Variants in DGKI observed in about 807,000 individuals in gnomAD.
DGKI encodes the protein DAG kinase iota.
A neutral mutation model predicts 147.5 loss-of-function variants in DGKI; 55 were observed. That is an observed-to-expected ratio of 0.37 (90% CI 0.30 to 0.47). The LOEUF (loss-of-function observed/expected upper bound fraction) is 0.47. Among genes scored for constraint, DGKI ranks in the 20% least tolerant of loss-of-function variants. The pLI is 1.00. For missense variants in DGKI, 1,007 were observed against 1,323.8 expected, an observed-to-expected ratio of 0.76 and a Z score of 3.71; for synonymous variants, 469 against 477.1, an observed-to-expected ratio of 0.98 and a Z score of 0.22.
intron 1 of DGKI, among the ~76,000 whole-genome samples, chr7:137,709,862 C>G (rs1205403078): frequency 6.6e-6 from 1 of 150,762 alleles, no homozygotes; most frequent in East Asian, 1.9e-4. Flanking sequence ...AAGAAGAGAC[C>G]ATAAACAAAT....
intron 1 of DGKI, among the ~76,000 whole-genome samples, chr7:137,734,912 C>T (rs1794980206): frequency 6.6e-6 from 1 of 152,064 alleles, no homozygotes; most frequent in Admixed American, 6.6e-5. Flanking sequence ...TCAACTACTC[C>T]CTCTCCTTTA....
intron 21 of DGKI, among the ~76,000 whole-genome samples, chr7:137,502,342 A>G (rs1284440288): frequency 3.3e-5 from 5 of 152,012 alleles, no homozygotes; most frequent in African/African-American, 1.2e-4. Context: ...AGTATGATCA[A>G]ATCCATGTGA....
rs1252405569 is a variant in DGKI, at chr7:137,609,621, G to A, written c.994-12C>T. 1.2e-6 allele frequency: 2 copies of A among 1,608,148 alleles called. No individual in the cohort carries two copies. Reference sequence around the variant, plus strand: ...GCCTTCAGGGAGTTCTGTAGGGAGAGAGAGAAATGCCTGAGCTCAGAGGCA... The same window carrying A: ...GCCTTCAGGGAGTTCTGTAGGGAGAAAGAGAAATGCCTGAGCTCAGAGGCA... On this transcript the variant is annotated splice_polypyrimidine_tract_variant and intron_variant, in intron 8 of 32. Coordinates refer to ENST00000614521, the MANE Select transcript of DGKI (RefSeq NM_001321708.2).
intron 1 of DGKI, among the ~76,000 whole-genome samples, chr7:137,720,411 T>C (rs1338857539): frequency 6.6e-6 from 1 of 151,918 alleles, no homozygotes; most frequent in Non-Finnish European, 1.5e-5. Flanking sequence ...GCGCCTGCCA[T>C]CGCGCCTGGC....
In DGKI at chr7:137,539,099, A is replaced by G. The variant is rs538683256; in HGVS notation, c.2147+13270T>C. On this transcript the variant is annotated intron_variant, in intron 20 of 32. Coordinates refer to ENST00000614521, the MANE Select transcript of DGKI (RefSeq NM_001321708.2). ...ACTACACTACTCAGGCCTTTTCACTATTTCTGGCAGCCGCAATGACAAAGC... is the reference window on the plus strand; with the variant it reads ...ACTACACTACTCAGGCCTTTTCACTGTTTCTGGCAGCCGCAATGACAAAGC... Among the ~76,000 whole-genome samples the G allele has an allele frequency of 2.0e-5, 3 of 152,102 alleles. No homozygotes were observed. In the East Asian group the frequency reaches 5.8e-4, roughly 29 times the overall value.
chr7:137,430,406 G>T (rs1282495200), intron 28 of DGKI, among the ~76,000 whole-genome samples: 2 of 139,032 alleles, frequency 1.4e-5, no homozygotes, highest in Non-Finnish European at 3.1e-5. Flanking sequence ...GACTATTGTG[G>T]CGTGGGGGGA....
chr7:137,469,522 C>T (rs767118555), intron 24 of DGKI, 28 bp downstream of exon 24: 6 of 1,612,276 alleles, frequency 3.7e-6, no homozygotes, highest in South Asian at 2.2e-5. Context: ...CCAACTCCCA[C>T]GATACCCGCA....
At chr7:137,660,998 T>C (rs1230234381) in intron 3 of DGKI, among the ~76,000 whole-genome samples, 2 of 152,166 alleles carry the variant, frequency 1.3e-5, no homozygotes, top group Admixed American at 6.5e-5. Context: ...ATTAAATATC[T>C]GTCATTCCCA....
intron 1 of DGKI, among the ~76,000 whole-genome samples, chr7:137,737,263 T>G (rs1219006951): frequency 1.4e-5 from 2 of 146,276 alleles, no homozygotes; most frequent in Non-Finnish European, 3.0e-5. Flanking sequence ...ATGAGATAAC[T>G]ATTTGTATTA....
chr7:137,658,463 C>T (rs1401901125), intron 3 of DGKI, among the ~76,000 whole-genome samples: 2 of 152,176 alleles, frequency 1.3e-5, no homozygotes, highest in Admixed American at 6.5e-5. Flanking sequence ...TCCCATGAAA[C>T]TCCTAGTAAA....
intron 20 of DGKI, among the ~76,000 whole-genome samples, chr7:137,538,744 T>A (rs1395671633): frequency 6.6e-6 from 1 of 152,210 alleles, no homozygotes; most frequent in Non-Finnish European, 1.5e-5. Flanking sequence ...GCATTATTTC[T>A]TCCCCACTGC....
chr7:137,691,811 T>TCGTTTTTTGTTTTTTTG (rs1563152851), intron 1 of DGKI, among the ~76,000 whole-genome samples: 6 of 145,730 alleles, frequency 4.1e-5, no homozygotes, highest in African/African-American at 1.5e-4. Context: ...TTTTTTTTTT[T>TCGTTTTTTGTTTTTTTG]TTTTTTTTTT....
At chr7:137,505,150 A>T (rs934209450) in intron 21 of DGKI, among the ~76,000 whole-genome samples, 1 of 152,066 alleles carries the variant, frequency 6.6e-6, no homozygotes, top group Non-Finnish European at 1.5e-5. Flanking sequence ...GGGGAGGGAT[A>T]GAAGAAAAAA....
intron 6 of DGKI, among the ~76,000 whole-genome samples, chr7:137,625,289 G>A (rs55715833): frequency 0.02 from 3,034 of 151,560 alleles, 106 homozygotes; most frequent in African/African-American, 0.069. Context: ...GGGAAACCCC[G>A]TCTGTACTAA....
At chr7:137,577,735 T>C (rs1042385514) in intron 16 of DGKI, among the ~76,000 whole-genome samples, 1 of 152,190 alleles carries the variant, frequency 6.6e-6, no homozygotes, top group Non-Finnish European at 1.5e-5. Flanking sequence ...TAAACTGTAC[T>C]GATATTTTGG....
chr7:137,796,834 C>T (rs535678925), intron 1 of DGKI, among the ~76,000 whole-genome samples: 7 of 152,078 alleles, frequency 4.6e-5, no homozygotes, highest in Admixed American at 4.6e-4. Flanking sequence ...GCCAGCATAC[C>T]AACATACATG....
chr7:137,566,624 T>G (rs553366155), intron 19 of DGKI, among the ~76,000 whole-genome samples: 35 of 152,168 alleles, frequency 2.3e-4, no homozygotes, highest in African/African-American at 8.4e-4. Context: ...ATTCACATGA[T>G]GAAAAGAGAA....
At chr7:137,528,060 T>C (rs751162042) in intron 20 of DGKI, among the ~76,000 whole-genome samples, 4 of 152,150 alleles carry the variant, frequency 2.6e-5, no homozygotes, top group Non-Finnish European at 5.9e-5. Context: ...AACAAATGAG[T>C]AAATGAATGC....
chr7:137,596,788 A>G (rs1302120790), intron 12 of DGKI, among the ~76,000 whole-genome samples: 2 of 152,222 alleles, frequency 1.3e-5, no homozygotes. Context: ...ATTGGTATAT[A>G]ATGTGTATCC....
Sources: gnomAD v4.1 joint callset for allele counts (sites outside exome capture counted in the v4.1 genomes callset) on GRCh38, gnomAD v4.1.1 for gene constraint, MANE v1.5 for transcripts, NCBI Gene and HGNC (gene_info 2026-07-23, HGNC 2026-07-21) for gene names.